BCLAF3: variants seen among roughly 807,000 people sequenced by gnomAD.
BCLAF3 encodes BCLAF1 and THRAP3 family member 3.
BCLAF3 carries 24 observed loss-of-function variants against 51.2 expected under a neutral mutation model. That is an observed-to-expected ratio of 0.47 (90% CI 0.34 to 0.66). BCLAF3 has a LOEUF of 0.66. BCLAF3 is among the 30% of genes least tolerant of loss of function. BCLAF3 has a pLI of 0.01. For missense variants in BCLAF3, 465 were observed against 525.1 expected (o/e 0.89, Z 1.12); for synonymous variants, 152 against 176.6 (o/e 0.86, Z 1.10).
chrX:19,982,806 T>C (rs1328242792), intron 1 of BCLAF3, among the ~76,000 whole-genome samples: 5 of 110,744 alleles, frequency 4.5e-5, no homozygotes, highest in African/African-American at 6.6e-5. Context: ...TATGATGGAT[T>C]TGAGGTCAAA....
chrX:19,959,912 C>A (rs762942386), intron 4 of BCLAF3, among the ~76,000 whole-genome samples: 8 of 111,460 alleles, frequency 7.2e-5, no homozygotes, highest in African/African-American at 2.3e-4. Flanking sequence ...CCTCCCACTT[C>A]GGCCTCCTGA....
At chrX:19,950,623 A>T in intron 8 of BCLAF3, 130 bp downstream of exon 8, 1 of 441,113 alleles carries the variant, frequency 2.3e-6, no homozygotes, top group Non-Finnish European at 3.8e-6. Context: ...GATTTCACTT[A>T]AACATATAAG....
intron 4 of BCLAF3, among the ~76,000 whole-genome samples, chrX:19,961,223 C>T (rs2071844418): frequency 8.9e-6 from 1 of 112,490 alleles, no homozygotes; most frequent in Non-Finnish European, 1.9e-5. Flanking sequence ...CTGTGATTCC[C>T]TAACTTACAT....
intron 8 of BCLAF3, among the ~76,000 whole-genome samples, chrX:19,938,736 T>C (rs1446309013): frequency 8.9e-6 from 1 of 112,502 alleles, no homozygotes; most frequent in African/African-American, 3.2e-5. Flanking sequence ...CACAAAGCAA[T>C]CTCTCCTGCT....
intron 11 of BCLAF3, among the ~76,000 whole-genome samples, chrX:19,925,698 T>C (rs1185478627): frequency 8.9e-6 from 1 of 111,840 alleles, no homozygotes; most frequent in African/African-American, 3.3e-5. Flanking sequence ...ATGTCCCTCA[T>C]TTAAGGGAAA....
chrX:19,986,804 T>G (rs1238610880), intron 1 of BCLAF3, among the ~76,000 whole-genome samples: 1 of 106,343 alleles, frequency 9.4e-6, no homozygotes, highest in African/African-American at 3.4e-5. Context: ...CGGTTTTTTT[T>G]TTTTTTTTTT....
At chrX:19,984,349 A>G (rs1018429206) in intron 1 of BCLAF3, among the ~76,000 whole-genome samples, 4 of 111,014 alleles carry the variant, frequency 3.6e-5, no homozygotes, top group Non-Finnish European at 7.5e-5. Context: ...TGTACAAGAC[A>G]TATTAGGTGA....
chrX:19,933,516 T>C (rs1256346385), intron 10 of BCLAF3, among the ~76,000 whole-genome samples: 1 of 112,032 alleles, frequency 8.9e-6, no homozygotes, highest in Non-Finnish European at 1.9e-5. Context: ...TCAGACATAA[T>C]GAAGCACATA....
chrX:19,957,671 A>G (rs2071714033), intron 4 of BCLAF3, among the ~76,000 whole-genome samples: 1 of 112,115 alleles, frequency 8.9e-6, no homozygotes, highest in African/African-American at 3.2e-5. Context: ...CTTTGAAGCT[A>G]TTATATATTT....
intron 1 of BCLAF3, chrX:19,985,125 G>A (rs187771470): frequency 8.9e-6 from 1 of 112,179 alleles, no homozygotes; most frequent in Non-Finnish European, 1.9e-5. Flanking sequence ...GGTTGCCATC[G>A]ATTAGTTGTA....
intron 8 of BCLAF3, among the ~76,000 whole-genome samples, chrX:19,950,264 G>A (rs1054617132): frequency 6.3e-5 from 7 of 111,671 alleles, no homozygotes; most frequent in Admixed American, 5.7e-4. Context: ...TTTCATGGAC[G>A]ACATCCAAAA....
At chrX:19,981,877 G>A (rs1363517947) in intron 1 of BCLAF3, among the ~76,000 whole-genome samples, 2 of 106,709 alleles carry the variant, frequency 1.9e-5, no homozygotes, top group Non-Finnish European at 1.9e-5. Flanking sequence ...AAGGGGTGGG[G>A]GGATGAGAAA....
chrX:19,983,622 G>A (rs2072695445), intron 1 of BCLAF3, among the ~76,000 whole-genome samples: 1 of 111,170 alleles, frequency 9.0e-6, no homozygotes, highest in Admixed American at 9.5e-5. Flanking sequence ...GGCTGAGGCA[G>A]GAGAATCACT....
chrX:19,956,537 C>T (rs1278131243), intron 4 of BCLAF3, among the ~76,000 whole-genome samples: 2 of 111,820 alleles, frequency 1.8e-5, no homozygotes, highest in African/African-American at 6.5e-5. Flanking sequence ...TCCAAGAATG[C>T]TGCACTTGCT....
At chrX:19,935,644 C>T (rs1384740275) in intron 10 of BCLAF3, 165 bp downstream of exon 10, 1 of 444,091 alleles carries the variant, frequency 2.3e-6, no homozygotes, top group East Asian at 3.6e-5. Context: ...GGAAAGGGGT[C>T]ATCAACAAAT....
At chrX:19,951,387 G>C (rs781251161) in intron 7 of BCLAF3, among the ~76,000 whole-genome samples, 1 of 106,553 alleles carries the variant, frequency 9.4e-6, no homozygotes, top group South Asian at 4.1e-4. Context: ...CATTTGAACA[G>C]GAGTTCAAGA....
intron 2 of BCLAF3, among the ~76,000 whole-genome samples, chrX:19,968,463 G>T (rs2072133828): frequency 8.9e-6 from 1 of 112,900 alleles, no homozygotes; most frequent in African/African-American, 3.2e-5. Flanking sequence ...CCTGATAAGG[G>T]ACTCATGTTC....
intron 8 of BCLAF3, among the ~76,000 whole-genome samples, chrX:19,939,592 T>A (rs1485789157): frequency 1.8e-5 from 2 of 111,874 alleles, no homozygotes; most frequent in African/African-American, 6.5e-5. Context: ...AGGATGGCTA[T>A]AACCAAAAAG....
intron 4 of BCLAF3, 26 bp from the exon 5 acceptor site, chrX:19,955,592 T>G: frequency 8.9e-7 from 1 of 1,121,179 alleles, no homozygotes; most frequent in Non-Finnish European, 1.2e-6. Flanking sequence ...AATGTTTAAC[T>G]AAATTTGAAA....
Sources: allele counts gnomAD v4.1 joint callset (sites outside exome capture counted in the v4.1 genomes callset), GRCh38; gene constraint gnomAD v4.1.1; transcripts MANE v1.5; gene names NCBI Gene and HGNC (gene_info 2026-07-23, HGNC 2026-07-21).